The following PSD3 variants were observed in gnomAD, a reference collection of about 807,000 sequenced individuals.
PSD3 encodes the protein pleckstrin and Sec7 domain containing 3.
A neutral mutation model predicts 105.5 loss-of-function variants in PSD3; 49 were observed. That is an observed-to-expected ratio of 0.46 (90% confidence interval 0.37 to 0.59). PSD3 has a LOEUF of 0.59. Among genes scored for constraint, PSD3 ranks in the 20% least tolerant of loss-of-function variants. PSD3 has a pLI of 0.00. For synonymous variants in PSD3, 557 were observed against 457.8 expected, an observed-to-expected ratio of 1.22 and a Z score of -2.77; for missense variants, 1,561 against 1,263.8, an observed-to-expected ratio of 1.24 and a Z score of -3.57.
intron 10 of PSD3, among the ~76,000 whole-genome samples, chr8:18,650,149 CA>C (rs753020933): frequency 2.6e-5 from 4 of 152,158 alleles, no homozygotes; most frequent in Admixed American, 1.3e-4. Flanking sequence ...TCCTAATAGA[CA>C]ATACTGAACT....
In PSD3 at chr8:18,600,352, C is replaced by T; in HGVS notation, c.2481+12G>A. 6.2e-7 allele frequency: 1 copy of T among 1,605,664 alleles called. No homozygotes were observed. ...TCGAGTTTTGTGGATTTTTTATCTG[C>T]TTTACTTTTACCTTTTGCAAGTAAA... On this transcript the variant is annotated intron_variant, in intron 12 of 15. Coordinates refer to ENST00000327040, the MANE Select transcript of PSD3 (RefSeq NM_015310.4).
At chr8:18,817,391 T>C (rs1268799696) in intron 4 of PSD3, among the ~76,000 whole-genome samples, 2 of 152,150 alleles carry the variant, frequency 1.3e-5, no homozygotes, top group Non-Finnish European at 2.9e-5. Context: ...ATTCACCCTG[T>C]AGGTCATGGA....
At chr8:18,911,834 A>C (rs1820244346) in intron 2 of PSD3, among the ~76,000 whole-genome samples, 1 of 152,176 alleles carries the variant, frequency 6.6e-6, no homozygotes, top group African/African-American at 2.4e-5. Flanking sequence ...GAACACAATG[A>C]AGCAGAGAAC....
At chr8:18,655,328 CA>C (rs35143136) in intron 10 of PSD3, among the ~76,000 whole-genome samples, 30,592 of 100,018 alleles carry the variant, frequency 0.31, 3,206 homozygotes, top group Middle Eastern at 0.46. Context: ...GACTCCACCT[CA>C]AAAAAAAAAA....
intron 1 of PSD3, among the ~76,000 whole-genome samples, chr8:18,987,063 G>A (rs1825537651): frequency 1.3e-5 from 2 of 152,024 alleles, no homozygotes; most frequent in Admixed American, 6.6e-5. Flanking sequence ...GCCGTCACAG[G>A]GAGGCGAACA....
chr8:18,830,079 T>C lies in PSD3; in HGVS notation c.1635-25181A>G, dbSNP rs1039181990. 9.9e-5 allele frequency among the ~76,000 whole-genome samples: 15 copies of C among 152,264 alleles called. No individual in the cohort carries two copies. The East Asian group carries it at 2.3e-3, about 23-fold the overall frequency. On this transcript the variant is annotated intron_variant, in intron 4 of 15. Transcript: ENST00000327040. ...GCTTCCTGGGTTCAAGCAATTCTCC[T>C]GTGTCAGCCTCCCGAGTAGCTGGGA...
At chr8:18,543,629 A>C (rs1800275805) in intron 15 of PSD3, among the ~76,000 whole-genome samples, 4 of 152,004 alleles carry the variant, frequency 2.6e-5, no homozygotes, top group Admixed American at 1.3e-4. Flanking sequence ...AAAACAAAAA[A>C]AAAAACAACA....
At chr8:18,929,760 T>C (rs1403920890) in intron 2 of PSD3, among the ~76,000 whole-genome samples, 1 of 152,162 alleles carries the variant, frequency 6.6e-6, no homozygotes, top group Middle Eastern at 3.2e-3. Flanking sequence ...TTCTAAGATT[T>C]AATGAAACAA....
At chr8:18,936,877 A>T (rs928916322) in intron 1 of PSD3, among the ~76,000 whole-genome samples, 1 of 152,220 alleles carries the variant, frequency 6.6e-6, no homozygotes. Context: ...AAGTACACCA[A>T]CAAAAAAACC....
intron 4 of PSD3, among the ~76,000 whole-genome samples, chr8:18,827,936 A>AG (rs1323690095): frequency 6.7e-6 from 1 of 149,934 alleles, no homozygotes; most frequent in East Asian, 1.9e-4. Context: ...TTAAAAAAAA[A>AG]AAAAAGAAGC....
Position 18,530,552 on chromosome 8 carries a change from A to AT in PSD3, c.*5190dup, listed in dbSNP as rs996569942. ...GGTACTTAATTCTTCCGAAAGCTAT[A>AT]TTTTTTATGGACTAATTACAACAAC... is the stretch of plus-strand genomic sequence containing the variant. On this transcript the variant is annotated 3_prime_UTR_variant, in exon 16 of 16. Coordinates refer to ENST00000327040, the MANE Select transcript of PSD3 (RefSeq NM_015310.4). 1.3e-5 allele frequency: 2 copies of AT among 152,634 alleles called. No homozygotes were observed. The highest frequency in any genetic ancestry group is 2.9e-5 in the Non-Finnish European group (2 of 68,042). The allele number at this position is 152,634 out of a possible 1,614,324, so 9.5% of individuals were successfully genotyped here. A position where few individuals can be genotyped will look rare whatever the true frequency, so the allele number is the denominator to read the frequency against.
chr8:18,633,547 A>G (rs1340874044), intron 10 of PSD3, among the ~76,000 whole-genome samples: 2 of 152,134 alleles, frequency 1.3e-5, no homozygotes, highest in Non-Finnish European at 2.9e-5. Flanking sequence ...CGCTTAGAAT[A>G]ATGGCCTTCA....
At chr8:19,009,986 A>G (rs1826878366) in intron 1 of PSD3, among the ~76,000 whole-genome samples, 1 of 152,198 alleles carries the variant, frequency 6.6e-6, no homozygotes, top group Non-Finnish European at 1.5e-5. Flanking sequence ...AGAAAAGAAC[A>G]CCAGCTTAGG....
chr8:19,044,588 T>C (rs1236552574), intron 1 of PSD3, among the ~76,000 whole-genome samples: 3 of 152,258 alleles, frequency 2.0e-5, no homozygotes, highest in African/African-American at 4.8e-5. Context: ...TCTTTTTCAC[T>C]GTAAGTCATT....
intron 2 of PSD3, among the ~76,000 whole-genome samples, chr8:18,897,971 A>T (rs1819258945): frequency 6.6e-6 from 1 of 152,186 alleles, no homozygotes; most frequent in South Asian, 2.1e-4. Context: ...ACTCCTGAAA[A>T]AAAATGGAGA....
intron 10 of PSD3, among the ~76,000 whole-genome samples, chr8:18,653,262 T>C (rs111993951): frequency 0.014 from 2,205 of 152,140 alleles, 55 homozygotes; most frequent in African/African-American, 0.049. Context: ...TAGGTGAAGA[T>C]AGAAATTATA....
At chr8:18,809,802 A>G (rs1563298003) in intron 4 of PSD3, among the ~76,000 whole-genome samples, 1 of 152,082 alleles carries the variant, frequency 6.6e-6, no homozygotes, top group Non-Finnish European at 1.5e-5. Context: ...CAGTTTTATC[A>G]AGACTTTGTT....
chr8:18,644,358 C>T (rs1807875275), intron 10 of PSD3, among the ~76,000 whole-genome samples: 1 of 152,206 alleles, frequency 6.6e-6, no homozygotes, highest in Non-Finnish European at 1.5e-5. Flanking sequence ...CAACATTTTG[C>T]TTTGAAATTT....
intron 4 of PSD3, among the ~76,000 whole-genome samples, chr8:18,842,165 T>C (rs1160384153): frequency 6.6e-6 from 1 of 152,134 alleles, no homozygotes; most frequent in Non-Finnish European, 1.5e-5. Context: ...TGACAGAGGA[T>C]TACACCAACT....
Sources: gnomAD v4.1 joint callset for allele counts (sites outside exome capture counted in the v4.1 genomes callset) on GRCh38, gnomAD v4.1.1 for gene constraint, MANE v1.5 for transcripts, NCBI Gene and HGNC (gene_info 2026-07-23, HGNC 2026-07-21) for gene names.